TRABD2A: variants seen among roughly 807,000 people sequenced by gnomAD.
TRABD2A encodes metalloprotease TIKI1.
A neutral mutation model predicts 45.6 loss-of-function variants in TRABD2A; 43 were observed. That is an observed-to-expected ratio of 0.94 (90% CI 0.74 to 1.22). TRABD2A has a LOEUF of 1.22. Among genes scored for constraint, TRABD2A ranks in the 50% most tolerant of loss-of-function variants. TRABD2A has a pLI of 0.00. For synonymous variants in TRABD2A, 269 were observed against 265.0 expected, an observed-to-expected ratio of 1.02 and a Z score of -0.15; for missense variants, 642 against 652.4, an observed-to-expected ratio of 0.98 and a Z score of 0.17.
intron 2 of TRABD2A, among the ~76,000 whole-genome samples, chr2:84,843,204 A>G (rs1466716274): frequency 6.6e-6 from 1 of 151,986 alleles, no homozygotes; most frequent in Non-Finnish European, 1.5e-5. Flanking sequence ...TTCCCCAGTA[A>G]TCAGCATACA....
chr2:84,856,224 C>T (rs190837752), intron 2 of TRABD2A, among the ~76,000 whole-genome samples: 9 of 152,180 alleles, frequency 5.9e-5, no homozygotes, highest in African/African-American at 1.9e-4. Context: ...GGTGTCTGGT[C>T]CTTGCCTCCC....
chr2:84,839,100 G>T, intron 4 of TRABD2A, 49 bp downstream of exon 4: 2 of 1,602,526 alleles, frequency 1.2e-6, no homozygotes, highest in East Asian at 2.2e-5. Context: ...TCCCTTCTTG[G>T]GAGAAGCCTC....
At chr2:84,838,025 T>C (rs1469906023) in intron 4 of TRABD2A, 2 of 541,674 alleles carry the variant, frequency 3.7e-6, no homozygotes, top group Non-Finnish European at 3.3e-6. Context: ...AGAATAGGGC[T>C]ATTCACACAG....
At chr2:84,836,542 G>A (rs1339768920) in intron 4 of TRABD2A, 1 of 152,160 alleles carries the variant, frequency 6.6e-6, no homozygotes, top group Non-Finnish European at 1.5e-5. Context: ...ACAACTTATA[G>A]TTCATGGGTT....
At chr2:84,842,241 A>G (rs1007697171) in intron 2 of TRABD2A, among the ~76,000 whole-genome samples, 3 of 152,194 alleles carry the variant, frequency 2.0e-5, no homozygotes, top group African/African-American at 7.2e-5. Context: ...TATGGAGGAC[A>G]CAGACAACCT....
Position 84,870,249 on chromosome 2 carries a change from T to G in TRABD2A, c.645A>C (p.Pro215=). Residue 215 remains proline, a synonymous_variant, in exon 2 of 7, where the codon CCA becomes CCC. Transcript: ENST00000409520. ...CCTGTGAAAAGTTCAACCCATTCAA[T>G]GGATGGCACTGCTCTTCCACCTTTT... ...AVEKVEEQCH[P]LNGLNFSQVI... 1 of 1,612,624 alleles carries G rather than the reference T, an allele frequency of 6.2e-7. No homozygotes were observed. The highest frequency in any genetic ancestry group is 8.5e-7 in the Non-Finnish European group (1 of 1,178,872).
intron 3 of TRABD2A, among the ~76,000 whole-genome samples, chr2:84,841,296 T>G (rs1014133245): frequency 1.3e-5 from 2 of 152,190 alleles, no homozygotes; most frequent in Non-Finnish European, 2.9e-5. Context: ...TTCCACTCAA[T>G]GGCCCACAGG....
At chr2:84,865,920 A>T (rs1682660339) in intron 2 of TRABD2A, among the ~76,000 whole-genome samples, 1 of 152,250 alleles carries the variant, frequency 6.6e-6, no homozygotes, top group African/African-American at 2.4e-5. Context: ...TCACATAGGG[A>T]ATGCCAATGC....
chr2:84,861,239 T>C (rs922497078), intron 2 of TRABD2A, among the ~76,000 whole-genome samples: 40 of 152,254 alleles, frequency 2.6e-4, no homozygotes, highest in African/African-American at 8.4e-4. Flanking sequence ...GCACATGACA[T>C]TTATTGTGCA....
chr2:84,833,692 G>A (rs1364404124), intron 4 of TRABD2A: 1 of 151,920 alleles, frequency 6.6e-6, no homozygotes, highest in African/African-American at 2.4e-5. Flanking sequence ...AAGGCACAGA[G>A]AGAAAGCAGC....
chr2:84,868,237 C>A (rs1007553523), intron 2 of TRABD2A, among the ~76,000 whole-genome samples: 15 of 152,276 alleles, frequency 9.9e-5, no homozygotes, highest in African/African-American at 3.6e-4. Flanking sequence ...ACATATACGC[C>A]TTGGAATACT....
chr2:84,853,660 C>T (rs138012622), intron 2 of TRABD2A, among the ~76,000 whole-genome samples: 2 of 152,328 alleles, frequency 1.3e-5, no homozygotes, highest in African/African-American at 2.4e-5. Flanking sequence ...AGGTGTCAAC[C>T]ACCAGAAGCT....
At chr2:84,853,241 C>T (rs994368526) in intron 2 of TRABD2A, among the ~76,000 whole-genome samples, 1 of 151,492 alleles carries the variant, frequency 6.6e-6, no homozygotes, top group African/African-American at 2.4e-5. Flanking sequence ...TGTGTTAGTC[C>T]GTTCTCACGC....
chr2:84,872,685 T>C (rs1331401376), intron 1 of TRABD2A, among the ~76,000 whole-genome samples: 3 of 152,396 alleles, frequency 2.0e-5, no homozygotes, highest in South Asian at 4.1e-4. Flanking sequence ...ATGGTAGTTA[T>C]ATTTTATAAA....
intron 3 of TRABD2A, 52 bp downstream of exon 3, chr2:84,841,809 T>C (rs1681719037): frequency 6.9e-7 from 1 of 1,444,638 alleles, no homozygotes; most frequent in Non-Finnish European, 9.1e-7. Flanking sequence ...GTAATGTTTT[T>C]ATTCCTATAA....
chr2:84,860,225 G>C (rs1285359189), intron 2 of TRABD2A, among the ~76,000 whole-genome samples: 1 of 152,096 alleles, frequency 6.6e-6, no homozygotes, highest in Non-Finnish European at 1.5e-5. Context: ...TGTGTTATGG[G>C]CTGAACTGTG....
intron 5 of TRABD2A, among the ~76,000 whole-genome samples, chr2:84,829,399 C>A (rs1160715384): frequency 5.0e-5 from 7 of 141,152 alleles, no homozygotes; most frequent in Non-Finnish European, 1.1e-4. Flanking sequence ...CACACACACA[C>A]CACACACACC....
chr2:84,875,260 C>T (rs116752709), intron 1 of TRABD2A, among the ~76,000 whole-genome samples: 275 of 152,202 alleles, frequency 1.8e-3, no homozygotes, highest in Non-Finnish European at 3.5e-3. Context: ...TAAGCCTTGC[C>T]GTGAAGGAGA....
chr2:84,848,580 C>T (rs987826769), intron 2 of TRABD2A, among the ~76,000 whole-genome samples: 2 of 142,192 alleles, frequency 1.4e-5, no homozygotes, highest in East Asian at 3.9e-4. Flanking sequence ...GAGAGAGAGA[C>T]AGAGAGAGAG....
Sources: allele counts gnomAD v4.1 joint callset (sites outside exome capture counted in the v4.1 genomes callset), GRCh38; gene constraint gnomAD v4.1.1; transcripts MANE v1.5; gene names NCBI Gene and HGNC (gene_info 2026-07-23, HGNC 2026-07-21).